BCKDHB: variants seen among roughly 807,000 people sequenced by gnomAD.
BCKDHB encodes the protein 2-oxoisovalerate dehydrogenase subunit beta, mitochondrial.
A neutral mutation model predicts 48.5 loss-of-function variants in BCKDHB; 41 were observed. That is an observed-to-expected ratio of 0.85 (90% CI 0.66 to 1.10). The LOEUF (loss-of-function observed/expected upper bound fraction) is 1.10, where lower values mean the gene tolerates loss of function less well. Among genes scored for constraint, BCKDHB ranks in the 50% least tolerant of loss-of-function variants. BCKDHB has a pLI of 0.00. For missense variants in BCKDHB, 496 were observed against 494.2 expected (o/e 1.00, Z -0.03); for synonymous variants, 201 against 174.8 (o/e 1.15, Z -1.18).
At chr6:80,396,076 T>C in the BCKDHB span, among the ~76,000 whole-genome samples, 1 of 152,196 alleles carries the variant, frequency 6.6e-6, no homozygotes, top group South Asian at 2.1e-4. Context: ...GGAGAACCAC[T>C]ACCAGGGCAG....
At chr6:80,446,317 T>C in the BCKDHB span, among the ~76,000 whole-genome samples, 1 of 152,262 alleles carries the variant, frequency 6.6e-6, no homozygotes, top group African/African-American at 2.4e-5. Flanking sequence ...TGGTTAGTTC[T>C]ACAGCCAGGC....
intron 6 of BCKDHB, among the ~76,000 whole-genome samples, chr6:80,178,051 T>G (rs2127787285): frequency 6.6e-6 from 1 of 152,342 alleles, no homozygotes; most frequent in Admixed American, 6.5e-5. Context: ...CTTACTGCCC[T>G]TATCTTACCC....
chr6:80,289,777 G>A (rs147955088), intron 9 of BCKDHB, among the ~76,000 whole-genome samples: 293 of 152,238 alleles, frequency 1.9e-3, no homozygotes, highest in African/African-American at 6.8e-3. Context: ...GAGACAGGCC[G>A]TTGGACAGCA....
intron 9 of BCKDHB, among the ~76,000 whole-genome samples, chr6:80,280,862 T>A (rs1341720128): frequency 6.6e-5 from 10 of 152,204 alleles, no homozygotes; most frequent in Middle Eastern, 3.4e-3. Context: ...AGAATCTGAA[T>A]GAAAGACTTG....
At chr6:80,211,125 T>C (rs1393625226) in intron 8 of BCKDHB, among the ~76,000 whole-genome samples, 1 of 152,072 alleles carries the variant, frequency 6.6e-6, no homozygotes, top group Non-Finnish European at 1.5e-5. Context: ...ATCAACTACA[T>C]AACAACACTG....
intron 1 of BCKDHB, 188 bp from the exon 2 acceptor site, chr6:80,127,359 C>A: frequency 1.7e-6 from 1 of 580,996 alleles, no homozygotes; most frequent in Non-Finnish European, 3.0e-6. Flanking sequence ...AAATTTTGCC[C>A]CATTAACAAG....
At chr6:80,115,585 C>G (rs1769647629) in intron 1 of BCKDHB, among the ~76,000 whole-genome samples, 1 of 151,714 alleles carries the variant, frequency 6.6e-6, no homozygotes, top group Non-Finnish European at 1.5e-5. Context: ...CATACTTCAC[C>G]AGGCATATAC....
intron 9 of BCKDHB, chr6:80,307,870 C>T (rs1162661953): frequency 2.1e-6 from 2 of 973,676 alleles, no homozygotes; most frequent in African/African-American, 1.8e-5. Context: ...GCAAATGCAA[C>T]TTCAAATAAT....
chr6:80,106,857 C>A lies in BCKDHB; in HGVS notation c.164C>A (p.Thr55Asn). 1 of 1,609,984 alleles carries A rather than the reference C, an allele frequency of 6.2e-7. No individual in the cohort carries two copies. Among genetic ancestry groups the A allele is most frequent in the Middle Eastern group, 1.7e-4 (1 of 5,732 alleles). Residue 55 changes from threonine (T) to asparagine (N), a missense_variant, in exon 1 of 10, where the codon ACT becomes AAT. Coordinates refer to ENST00000320393, the MANE Select transcript of BCKDHB (RefSeq NM_183050.4). ...AAQRRQVAHF[T>N]FQPDPEPREY... Reference sequence around the variant, plus strand: ...CAGAGGCGGCAGGTGGCTCATTTTACTTTCCAGCCAGATCCGGAGCCCCGG... The same window carrying A: ...CAGAGGCGGCAGGTGGCTCATTTTAATTTCCAGCCAGATCCGGAGCCCCGG...
At chr6:80,415,595 C>T in the BCKDHB span, among the ~76,000 whole-genome samples, 50 of 152,172 alleles carry the variant, frequency 3.3e-4, no homozygotes, top group East Asian at 8.3e-3. Flanking sequence ...GTATGTTGAA[C>T]CAAACTTGCA....
chr6:80,264,477 T>G (rs975692988), intron 8 of BCKDHB, among the ~76,000 whole-genome samples: 4 of 152,158 alleles, frequency 2.6e-5, no homozygotes, highest in Non-Finnish European at 4.4e-5. Flanking sequence ...TTTTCTAGTG[T>G]GTAACTTGTC....
intron 6 of BCKDHB, among the ~76,000 whole-genome samples, chr6:80,183,985 C>T (rs1773528496): frequency 6.6e-6 from 1 of 152,078 alleles, no homozygotes; most frequent in Admixed American, 6.5e-5. Flanking sequence ...TTTATTCATT[C>T]ACCTGCAGAA....
chr6:80,276,193 TG>T (rs1777961869), intron 9 of BCKDHB, among the ~76,000 whole-genome samples: 1 of 152,152 alleles, frequency 6.6e-6, no homozygotes, highest in South Asian at 2.1e-4. Flanking sequence ...AGGCGATTTT[TG>T]ATAGAAGATA....
chr6:80,318,367 T>A (rs1768546596), intron 9 of BCKDHB, among the ~76,000 whole-genome samples: 1 of 152,110 alleles, frequency 6.6e-6, no homozygotes, highest in Non-Finnish European at 1.5e-5. Context: ...GTGTTCTTCA[T>A]CTGTGGGTTC....
At chr6:80,145,849 A>G (rs1200312646) in intron 3 of BCKDHB, among the ~76,000 whole-genome samples, 1 of 152,170 alleles carries the variant, frequency 6.6e-6, no homozygotes, top group African/African-American at 2.4e-5. Context: ...TGTCTAGGCT[A>G]AGGCACTTCT....
chr6:80,343,414 C>T (rs1770021593), intron 9 of BCKDHB, among the ~76,000 whole-genome samples: 1 of 152,100 alleles, frequency 6.6e-6, no homozygotes, highest in Non-Finnish European at 1.5e-5. Flanking sequence ...TTGATATTAT[C>T]CCAGTTTGGC....
chr6:80,436,327 T>A, the BCKDHB span, among the ~76,000 whole-genome samples: 1 of 151,418 alleles, frequency 6.6e-6, no homozygotes, highest in Non-Finnish European at 1.5e-5. Flanking sequence ...CCTGGCTAAT[T>A]TTGCTTTTGT....
the BCKDHB span, among the ~76,000 whole-genome samples, chr6:80,432,755 G>A: frequency 1.3e-5 from 2 of 152,124 alleles, no homozygotes; most frequent in African/African-American, 4.8e-5. Context: ...GAGGAGAAGA[G>A]GCATTCTGGT....
At chr6:80,302,255 A>G (rs1214516462) in intron 9 of BCKDHB, among the ~76,000 whole-genome samples, 1 of 152,216 alleles carries the variant, frequency 6.6e-6, no homozygotes, top group Non-Finnish European at 1.5e-5. Context: ...AAAACCCTAC[A>G]GACTCTGCCA....
Sources: gnomAD v4.1 joint callset for allele counts (sites outside exome capture counted in the v4.1 genomes callset) on GRCh38, gnomAD v4.1.1 for gene constraint, MANE v1.5 for transcripts, NCBI Gene and HGNC (gene_info 2026-07-23, HGNC 2026-07-21) for gene names.